Variants in GRB2 observed in about 807,000 individuals in gnomAD.
GRB2 encodes growth factor receptor bound protein 2, also known as growth factor receptor-bound protein 2.
In GRB2, 2 loss-of-function variants were observed where a neutral mutation model predicts 27.4. The ratio of observed to expected loss-of-function variants is 0.07; its 90% CI spans 0.03 to 0.23. GRB2 has a LOEUF of 0.23. Among genes scored for constraint, GRB2 ranks in the 10% least tolerant of loss-of-function variants. GRB2 has a pLI of 1.00. For synonymous variants in GRB2, 94 were observed against 99.6 expected (o/e 0.94, Z 0.33); for missense variants, 102 against 282.4 (o/e 0.36, Z 4.58).
At chr17:75,324,195 T>C (rs1157038965) in intron 4 of GRB2, among the ~76,000 whole-genome samples, 1 of 90,932 alleles carries the variant, frequency 1.1e-5, no homozygotes, top group East Asian at 6.5e-4. Flanking sequence ...AAATAAGATA[T>C]TCAGTTTGTT....
chr17:75,341,993 C>T (rs1567861479), intron 2 of GRB2, among the ~76,000 whole-genome samples: 1 of 152,124 alleles, frequency 6.6e-6, no homozygotes. Flanking sequence ...TGAGCCCTGC[C>T]GTGCAGTCAG....
chr17:75,321,253 T>C (rs2078457648), intron 5 of GRB2, among the ~76,000 whole-genome samples: 1 of 144,070 alleles, frequency 6.9e-6, no homozygotes, highest in African/African-American at 2.7e-5. Context: ...CTCAGCTCAC[T>C]ACAATCTCCA....
chr17:75,374,592 C>A (rs1224978162), intron 2 of GRB2, among the ~76,000 whole-genome samples: 1 of 151,230 alleles, frequency 6.6e-6, no homozygotes, highest in Non-Finnish European at 1.5e-5. Flanking sequence ...AGTGTGGTGG[C>A]ACATGCCTGT....
intron 2 of GRB2, among the ~76,000 whole-genome samples, chr17:75,365,587 T>C (rs1280154150): frequency 6.6e-6 from 1 of 152,082 alleles, no homozygotes; most frequent in African/African-American, 2.4e-5. Flanking sequence ...TTGGTTTAAC[T>C]TGAAAAGGAA....
chr17:75,368,532 T>C (rs2078835365), intron 2 of GRB2, among the ~76,000 whole-genome samples: 1 of 151,324 alleles, frequency 6.6e-6, no homozygotes, highest in Non-Finnish European at 1.5e-5. Flanking sequence ...GTTTGTTTTT[T>C]TTTTTGTTGT....
In GRB2 at chr17:75,393,701, C is replaced by CT; in HGVS notation, c.-74dup. 9.0e-6 allele frequency: 11 copies of CT among 1,226,988 alleles called. No individual in the cohort carries two copies. In the South Asian group the frequency reaches 1.2e-4, roughly 13 times the overall value. The allele number at this position is 1,226,988 out of a possible 1,614,324, so 76.0% of individuals were successfully genotyped here. Reference sequence around the variant, plus strand: ...TCTTCCCTGCTGAAGCAACCCAGCGCTCTGGGCTTAGCCTCGCCTCTCTTC... The same window carrying CT: ...TCTTCCCTGCTGAAGCAACCCAGCGCTTCTGGGCTTAGCCTCGCCTCTCTTC... On this transcript the variant is annotated 5_prime_UTR_variant, in exon 2 of 6. Coordinates refer to ENST00000316804, the MANE Select transcript of GRB2 (RefSeq NM_002086.5).
intron 2 of GRB2, among the ~76,000 whole-genome samples, chr17:75,381,854 A>G (rs1166111434): frequency 6.6e-6 from 1 of 151,934 alleles, no homozygotes; most frequent in African/African-American, 2.4e-5. Context: ...TCCAAAATAC[A>G]TTTTTTCTCA....
At chr17:75,403,799 A>C (rs2079079743) in intron 1 of GRB2, among the ~76,000 whole-genome samples, 1 of 152,050 alleles carries the variant, frequency 6.6e-6, no homozygotes, top group Admixed American at 6.6e-5. Flanking sequence ...GCTTGTGTTT[A>C]GTAGAAGAAA....
intron 2 of GRB2, among the ~76,000 whole-genome samples, chr17:75,366,149 A>G (rs1241433152): frequency 1.3e-5 from 2 of 151,572 alleles, no homozygotes; most frequent in African/African-American, 2.4e-5. Flanking sequence ...GCCGTTACAA[A>G]TTTCAGAGCA....
At chr17:75,367,335 T>C (rs1451012825) in intron 2 of GRB2, among the ~76,000 whole-genome samples, 1 of 152,094 alleles carries the variant, frequency 6.6e-6, no homozygotes, top group Non-Finnish European at 1.5e-5. Context: ...CACACCCAGC[T>C]AATTTTTTAA....
chr17:75,335,782 T>C (rs1489500756), intron 2 of GRB2, among the ~76,000 whole-genome samples: 2 of 152,212 alleles, frequency 1.3e-5, no homozygotes, highest in African/African-American at 4.8e-5. Flanking sequence ...TGATAGAGTA[T>C]TGATGAAAAC....
intron 2 of GRB2, among the ~76,000 whole-genome samples, chr17:75,355,102 C>A (rs2078723205): frequency 6.6e-6 from 1 of 152,258 alleles, no homozygotes; most frequent in Non-Finnish European, 1.5e-5. Context: ...GCCACCGCGC[C>A]TGGCCAGGAC....
chr17:75,346,832 G>C (rs2078658595), intron 2 of GRB2, among the ~76,000 whole-genome samples: 1 of 151,874 alleles, frequency 6.6e-6, no homozygotes, highest in Non-Finnish European at 1.5e-5. Context: ...CAAAGTGCTG[G>C]GATTACAGGC....
At chr17:75,326,496 G>A (rs2078499654) in intron 3 of GRB2, among the ~76,000 whole-genome samples, 1 of 152,220 alleles carries the variant, frequency 6.6e-6, no homozygotes, top group African/African-American at 2.4e-5. Flanking sequence ...AGGAGCTGGA[G>A]GCAGGGTTAC....
rs189475856 is a variant in GRB2 at position 75,321,577 on chromosome 17, C to T, written c.468+82G>A. 6.8e-5 allele frequency: 89 copies of T among 1,306,874 alleles called. No homozygotes were observed. The East Asian group carries it at 1.7e-3, about 25-fold the overall frequency. 81.0% of individuals were successfully genotyped at this position (1,306,874 alleles called of 1,614,324 possible). On this transcript the variant is annotated intron_variant, in intron 5 of 5. Transcript: ENST00000316804. ...TGAAGGGCGCCCGCATGTTGAGGGG[C>T]GCCTCCCCTTTCCTACAGGAATGCA...
intron 1 of GRB2, among the ~76,000 whole-genome samples, chr17:75,402,562 T>A (rs979943752): frequency 2.0e-5 from 3 of 152,220 alleles, no homozygotes; most frequent in African/African-American, 7.2e-5. Context: ...AACAACAGTT[T>A]TGATCCTTAG....
At chr17:75,332,361 A>G (rs951451773) in intron 3 of GRB2, among the ~76,000 whole-genome samples, 4 of 152,056 alleles carry the variant, frequency 2.6e-5, no homozygotes, top group Admixed American at 2.6e-4. Context: ...TAAACACAAA[A>G]TCATCTAAGT....
intron 2 of GRB2, among the ~76,000 whole-genome samples, chr17:75,391,025 T>C (rs774896405): frequency 2.6e-5 from 4 of 152,174 alleles, no homozygotes; most frequent in Admixed American, 2.6e-4. Context: ...AAGAATCAAA[T>C]GAGGAAAACT....
chr17:75,374,605 T>TCACACACA (rs112792873), intron 2 of GRB2, among the ~76,000 whole-genome samples: 1 of 147,060 alleles, frequency 6.8e-6, no homozygotes. Flanking sequence ...ATGCCTGTAG[T>TCACACACA]CACACACACA....
Sources: allele counts gnomAD v4.1 joint callset (sites outside exome capture counted in the v4.1 genomes callset), GRCh38; gene constraint gnomAD v4.1.1; transcripts MANE v1.5; gene names NCBI Gene and HGNC (gene_info 2026-07-23, HGNC 2026-07-21).